The following PTPN2 variants were observed in gnomAD, a reference collection of about 807,000 sequenced individuals.
PTPN2 encodes tyrosine-protein phosphatase non-receptor type 2.
In PTPN2, 19 loss-of-function variants were observed where a neutral mutation model predicts 57.3. That is an observed-to-expected ratio of 0.33 (90% CI 0.23 to 0.49). PTPN2 has a LOEUF of 0.49. PTPN2 is among the 20% of genes least tolerant of loss of function. The probability of loss-of-function intolerance (pLI) is 0.99; values close to 1 mark genes in which losing one functional copy is unlikely to be tolerated. For missense variants in PTPN2, 358 were observed against 501.1 expected (o/e 0.71, Z 2.73); for synonymous variants, 153 against 164.9 (o/e 0.93, Z 0.55).
chr18:12,837,107 A>G (rs976532067), intron 2 of PTPN2, among the ~76,000 whole-genome samples: 1 of 152,200 alleles, frequency 6.6e-6, no homozygotes, highest in Admixed American at 6.5e-5. Flanking sequence ...GAAAGGAAGC[A>G]CTTCTGTTTG....
At chr18:12,873,976 C>T (rs2044372580) in intron 1 of PTPN2, among the ~76,000 whole-genome samples, 1 of 151,580 alleles carries the variant, frequency 6.6e-6, no homozygotes, top group Non-Finnish European at 1.5e-5. Flanking sequence ...TCTGCCCAGC[C>T]GCCCCATCTG....
intron 5 of PTPN2, 37 bp downstream of exon 5, chr18:12,825,773 A>G: frequency 6.4e-7 from 1 of 1,566,972 alleles, no homozygotes; most frequent in Middle Eastern, 2.3e-4. Flanking sequence ...TTAAACCATC[A>G]TATAAAGTCC....
intron 7 of PTPN2, among the ~76,000 whole-genome samples, chr18:12,812,509 G>T (rs1216831432): frequency 6.6e-6 from 1 of 152,150 alleles, no homozygotes. Context: ...TGAGTGGGGA[G>T]AACCACTTGA....
intron 7 of PTPN2, among the ~76,000 whole-genome samples, chr18:12,807,604 T>TATATATATATATATATATATATAA (rs753128305): frequency 1.0e-5 from 1 of 95,536 alleles, no homozygotes; most frequent in Non-Finnish European, 2.2e-5. Flanking sequence ...TATATATATA[T>TATATATATATATATATATATATAA]AATATAATAC....
At chr18:12,830,491 C>T (rs2042634099) in intron 4 of PTPN2, among the ~76,000 whole-genome samples, 1 of 152,136 alleles carries the variant, frequency 6.6e-6, no homozygotes, top group South Asian at 2.1e-4. Flanking sequence ...AATGACTATG[C>T]TGATACTGCT....
intron 1 of PTPN2, among the ~76,000 whole-genome samples, chr18:12,872,058 A>AC (rs397800598): frequency 7.6e-5 from 6 of 78,768 alleles, no homozygotes; most frequent in East Asian, 2.6e-4. Flanking sequence ...CAAAAAAAAA[A>AC]CAAAAAAACA....
intron 1 of PTPN2, among the ~76,000 whole-genome samples, chr18:12,874,017 G>T (rs979874123): frequency 1.3e-4 from 20 of 151,182 alleles, no homozygotes; most frequent in Middle Eastern, 3.4e-3. Flanking sequence ...CCTGGCAACC[G>T]CCCCGTCTGA....
rs1270525913 is a variant in PTPN2, at chr18:12,807,373, G to A, written c.859-5222C>T. 9.3e-5 allele frequency among the ~76,000 whole-genome samples: 14 copies of A among 151,322 alleles called. No homozygotes were observed. The Admixed American group carries it at 9.3e-4, about 10-fold the overall frequency. The stretch of plus-strand genomic sequence containing the variant: ...AGCCATCTTGGAAAACAGCATAAAG[G>A]TTCCTTAAAAGATTAAAAATAGAAC... On this transcript the variant is annotated intron_variant, in intron 7 of 8. Transcript: ENST00000309660.
At chr18:12,855,410 G>T (rs191330235) in intron 2 of PTPN2, among the ~76,000 whole-genome samples, 5 of 152,164 alleles carry the variant, frequency 3.3e-5, no homozygotes, top group Admixed American at 3.3e-4. Flanking sequence ...TGAAGAGCAG[G>T]GCCCATGAGG....
At chr18:12,847,811 G>A (rs1007925775) in intron 2 of PTPN2, among the ~76,000 whole-genome samples, 4 of 151,122 alleles carry the variant, frequency 2.6e-5, no homozygotes, top group Non-Finnish European at 5.9e-5. Flanking sequence ...TAGTAGAGAC[G>A]GGGTTTCACC....
downstream of PTPN2, among the ~76,000 whole-genome samples, chr18:12,791,924 A>G (rs1397559429): frequency 6.6e-6 from 1 of 152,220 alleles, no homozygotes; most frequent in Non-Finnish European, 1.5e-5. Flanking sequence ...AAATGTCATA[A>G]GGTCTACCTG....
chr18:12,860,961 CATT>C (rs1208830693), intron 1 of PTPN2, among the ~76,000 whole-genome samples: 4 of 152,116 alleles, frequency 2.6e-5, no homozygotes, highest in Admixed American at 1.3e-4. Context: ...CTTTTGCTCA[CATT>C]ATTACATGTA....
chr18:12,853,612 T>G (rs1367090614), intron 2 of PTPN2, among the ~76,000 whole-genome samples: 1 of 152,118 alleles, frequency 6.6e-6, no homozygotes, highest in Non-Finnish European at 1.5e-5. Flanking sequence ...TGAGCTGGTA[T>G]TTGCAGAAGG....
downstream of PTPN2, among the ~76,000 whole-genome samples, chr18:12,790,164 T>C (rs934701822): frequency 2.2e-4 from 34 of 152,140 alleles, no homozygotes; most frequent in African/African-American, 8.0e-4. Flanking sequence ...GCTCAAGCAA[T>C]CCTCCCACCT....
chr18:12,834,596 G>C (rs752026842), intron 3 of PTPN2, among the ~76,000 whole-genome samples: 1 of 152,098 alleles, frequency 6.6e-6, no homozygotes, highest in Non-Finnish European at 1.5e-5. Context: ...TTTGCTGGGT[G>C]AGTGAATACC....
At chr18:12,817,413 T>TA (rs954403423) in intron 5 of PTPN2, 48 bp from the exon 6 acceptor site, 29 of 1,380,974 alleles carry the variant, frequency 2.1e-5, no homozygotes, top group Non-Finnish European at 2.9e-5. Context: ...TTTTTTCTTT[T>TA]AAAAAACTAC....
rs1432117963 is a variant in PTPN2 at position 12,859,207 on chromosome 18, A to C, written c.117T>G (p.Phe39Leu). Reference protein sequence around the residue: ...SHDYPHRVAKFPENRNRNRYR... With the variant: ...SHDYPHRVAKLPENRNRNRYR... ...ATCTGTTTCGATTTCTGTTTTCTGG[A>C]AACTTGGCCACTCTATGAGGATAGT... The change falls in exon 2 of 9, where the codon TTT becomes TTG. Residue 39 changes from phenylalanine to leucine, a missense_variant. By Grantham distance (22) the Phe-to-Leu change is conservative. Coordinates refer to ENST00000309660, the MANE Select transcript of PTPN2 (RefSeq NM_002828.4). 6.2e-7 allele frequency: 1 copy of C among 1,613,604 alleles called. No homozygotes were observed. Among genetic ancestry groups the C allele is most frequent in the South Asian group, 1.1e-5 (1 of 91,060 alleles).
At chr18:12,879,946 C>G (rs538564160) in intron 1 of PTPN2, among the ~76,000 whole-genome samples, 1 of 152,342 alleles carries the variant, frequency 6.6e-6, no homozygotes, top group South Asian at 2.1e-4. Flanking sequence ...TTTTTTCCTA[C>G]TCAAGCTGTG....
chr18:12,818,556 C>T (rs939213118), intron 5 of PTPN2, among the ~76,000 whole-genome samples: 21 of 152,118 alleles, frequency 1.4e-4, no homozygotes, highest in African/African-American at 5.1e-4. Context: ...TTGCCTTTTG[C>T]CCCAAGGAGC....
Sources: gnomAD v4.1 joint callset for allele counts (sites outside exome capture counted in the v4.1 genomes callset) on GRCh38, gnomAD v4.1.1 for gene constraint, MANE v1.5 for transcripts, NCBI Gene and HGNC (gene_info 2026-07-23, HGNC 2026-07-21) for gene names.